Variants in TMEM74 observed in about 807,000 individuals in gnomAD.
TMEM74 encodes transmembrane protein 74.
A neutral mutation model predicts 18.1 loss-of-function variants in TMEM74; 13 were observed. That is an observed-to-expected ratio of 0.72 (90% CI 0.47 to 1.14). TMEM74 has a LOEUF of 1.14. Ranked by LOEUF, TMEM74 falls within the 50% of genes most tolerant of loss-of-function variation. The pLI, the probability that TMEM74 is intolerant of heterozygous loss-of-function variation, is 0.00. For missense variants in TMEM74, 372 were observed against 375.9 expected (o/e 0.99, Z 0.09); for synonymous variants, 159 against 146.6 (o/e 1.08, Z -0.61).
intron 2 of TMEM74, among the ~76,000 whole-genome samples, chr8:108,611,677 A>C (rs1306707560): frequency 6.6e-6 from 1 of 152,230 alleles, no homozygotes; most frequent in Non-Finnish European, 1.5e-5. Flanking sequence ...CTTTGGTTTC[A>C]TCTCCTTTCC....
At chr8:108,622,365 A>G (rs563091442) in intron 2 of TMEM74, among the ~76,000 whole-genome samples, 1 of 152,236 alleles carries the variant, frequency 6.6e-6, no homozygotes. Flanking sequence ...AAGAGTTGAA[A>G]TAGCTTGCTC....
intron 1 of TMEM74, among the ~76,000 whole-genome samples, chr8:108,687,659 A>G (rs767754052): frequency 6.6e-5 from 10 of 152,142 alleles, no homozygotes; most frequent in Non-Finnish European, 1.3e-4. Flanking sequence ...AGACAGTGAC[A>G]GATCATCAGC....
At chr8:108,645,194 C>A (rs898171370) in intron 2 of TMEM74, among the ~76,000 whole-genome samples, 4 of 152,066 alleles carry the variant, frequency 2.6e-5, no homozygotes, top group East Asian at 1.9e-4. Flanking sequence ...AAATCATGAC[C>A]TTTGCAGCAA....
chr8:108,654,890 G>A (rs979611497), intron 2 of TMEM74, among the ~76,000 whole-genome samples: 5 of 151,878 alleles, frequency 3.3e-5, no homozygotes, highest in African/African-American at 4.8e-5. Context: ...TAGTTCCATC[G>A]TATACTGTAT....
At chr8:108,616,279 C>T (rs934039150) in intron 2 of TMEM74, among the ~76,000 whole-genome samples, 4 of 152,272 alleles carry the variant, frequency 2.6e-5, no homozygotes, top group East Asian at 1.9e-4. Context: ...GTACTTCCTA[C>T]GTATTTGTTG....
At chr8:108,695,204 T>C (rs1813268324) in intron 1 of TMEM74, among the ~76,000 whole-genome samples, 1 of 152,188 alleles carries the variant, frequency 6.6e-6, no homozygotes, top group Admixed American at 6.5e-5. Context: ...AGCTGGGATT[T>C]TACTTCTGCT....
intron 2 of TMEM74, among the ~76,000 whole-genome samples, chr8:108,621,749 G>A (rs1812442427): frequency 6.6e-6 from 1 of 152,112 alleles, no homozygotes; most frequent in African/African-American, 2.4e-5. Context: ...CTAGTTGGGT[G>A]AACTTGGTTG....
At chr8:108,676,823 T>C (rs1310994178) in intron 1 of TMEM74, among the ~76,000 whole-genome samples, 1 of 152,150 alleles carries the variant, frequency 6.6e-6, no homozygotes, top group Non-Finnish European at 1.5e-5. Context: ...AATGAATGAA[T>C]GAATAAATAA....
At chr8:108,762,071 C>T (rs980042039) in intron 1 of TMEM74, among the ~76,000 whole-genome samples, 19 of 152,112 alleles carry the variant, frequency 1.2e-4, no homozygotes, top group Non-Finnish European at 2.2e-4. Context: ...GCTATTAACA[C>T]CAGAGGCCAA....
At chr8:108,774,973 C>T (rs1159596630), downstream of TMEM74, among the ~76,000 whole-genome samples, 1 of 152,036 alleles carries the variant, frequency 6.6e-6, no homozygotes, top group Non-Finnish European at 1.5e-5. Flanking sequence ...AACATGCCTC[C>T]AGCTCCAAAT....
chr8:108,751,694 C>CA (rs1813905372), intron 1 of TMEM74, among the ~76,000 whole-genome samples: 1 of 151,632 alleles, frequency 6.6e-6, no homozygotes, highest in Non-Finnish European at 1.5e-5. Context: ...AATAAAGAAA[C>CA]AAAAAACCCC....
At chr8:108,703,329 TGAA>T (rs1462112921) in intron 1 of TMEM74, among the ~76,000 whole-genome samples, 1 of 152,196 alleles carries the variant, frequency 6.6e-6, no homozygotes, top group Non-Finnish European at 1.5e-5. Flanking sequence ...TATATTAAGA[TGAA>T]GATCAACCCC....
intron 1 of TMEM74, among the ~76,000 whole-genome samples, chr8:108,748,764 T>G (rs554459790): frequency 6.6e-5 from 10 of 152,116 alleles, no homozygotes; most frequent in African/African-American, 2.4e-4. Flanking sequence ...CTTGAGTTGA[T>G]TTTTGTATAT....
rs892014624 is a variant in TMEM74, at chr8:108,688,765, A to G, written n.120-33328T>C. Among the ~76,000 whole-genome samples the G allele has an allele frequency of 4.6e-5, 7 of 152,228 alleles. No individual in the cohort carries two copies. In the South Asian group the frequency reaches 1.2e-3, roughly 27 times the overall value. ...TGATATCTCCTAATCAAGCCTTGCC[A>G]CCAGTCCAGTATTACCTTCATTTGT... On this transcript the variant is annotated intron_variant and non_coding_transcript_variant, in intron 1 of 3. Coordinates refer to the TMEM74 transcript ENST00000518838.
chr8:108,612,263 T>C (rs1471836698), intron 2 of TMEM74, among the ~76,000 whole-genome samples: 1 of 152,208 alleles, frequency 6.6e-6, no homozygotes, highest in Non-Finnish European at 1.5e-5. Flanking sequence ...ATGCTGTCTA[T>C]ATTTCATAGA....
intron 1 of TMEM74, among the ~76,000 whole-genome samples, chr8:108,702,268 C>G (rs2101936): frequency 1.3e-5 from 2 of 150,060 alleles, no homozygotes; most frequent in Non-Finnish European, 3.0e-5. Context: ...TTGCTTGAAC[C>G]TGGGAGGCGG....
At chr8:108,659,244 A>T (rs1016219009) in intron 1 of TMEM74, among the ~76,000 whole-genome samples, 7 of 40,612 alleles carry the variant, frequency 1.7e-4, no homozygotes, top group African/African-American at 1.1e-3. Context: ...GCCTTTATAG[A>T]TAGCCCACTA....
At chr8:108,630,096 C>T (rs1812535571) in intron 2 of TMEM74, among the ~76,000 whole-genome samples, 1 of 151,930 alleles carries the variant, frequency 6.6e-6, no homozygotes, top group Admixed American at 6.6e-5. Context: ...ATCCATCTCA[C>T]ATGCAAAGAC....
chr8:108,710,154 AG>A (rs1339426442), intron 1 of TMEM74, among the ~76,000 whole-genome samples: 5 of 152,240 alleles, frequency 3.3e-5, no homozygotes. Context: ...ATGCAGCAAA[AG>A]CTTAACAAAT....
Sources: allele counts gnomAD v4.1 joint callset (sites outside exome capture counted in the v4.1 genomes callset), GRCh38; gene constraint gnomAD v4.1.1; transcripts MANE v1.5; gene names NCBI Gene and HGNC (gene_info 2026-07-23, HGNC 2026-07-21).